The following CSF1R variants were observed in gnomAD, a reference collection of about 807,000 sequenced individuals.
The protein encoded by CSF1R is colony stimulating factor 1 receptor.
A neutral mutation model predicts 110.0 loss-of-function variants in CSF1R; 40 were observed. That is an observed-to-expected ratio of 0.36 (90% CI 0.28 to 0.47). The LOEUF (loss-of-function observed/expected upper bound fraction) is 0.47. Ranked by LOEUF, CSF1R falls within the 20% of genes least tolerant of loss-of-function variation. The pLI, the probability that CSF1R is intolerant of heterozygous loss-of-function variation, is 0.99. For missense variants in CSF1R, 1,052 were observed against 1,253.0 expected, an observed-to-expected ratio of 0.84 and a Z score of 2.42; for synonymous variants, 523 against 503.4, an observed-to-expected ratio of 1.04 and a Z score of -0.52.
rs543585518 is a variant in CSF1R at position 150,077,331 on chromosome 5, G to A, written c.834C>T (p.Cys278=). 9.3e-6 allele frequency: 15 copies of A among 1,614,224 alleles called. No individual in the cohort carries two copies. Among genetic ancestry groups the A allele is most frequent in the African/African-American group, 5.3e-5 (4 of 75,040 alleles). Reference sequence around the variant, plus strand: ...GCTTGCCCTGCACGTTGCTGGCCACGCAGGAGTAGTTGCCGGCATGTTGGA... The same window carrying A: ...GCTTGCCCTGCACGTTGCTGGCCACACAGGAGTAGTTGCCGGCATGTTGGA... ...VDFQHAGNYS[C]VASNVQGKHS... Residue 278 remains cysteine (C), a synonymous_variant, in exon 5 of 21, where the codon TGC becomes TGT. Transcript: ENST00000675795.
intron 1 of CSF1R, chr5:150,095,108 AT>A: frequency 4.5e-6 from 2 of 445,530 alleles, no homozygotes; most frequent in South Asian, 3.1e-5. Context: ...CTGCTCTCAA[AT>A]TGGAAAAAAA....
In CSF1R at chr5:150,053,840, G is replaced by A. The variant is rs1000414437; in HGVS notation, c.*229C>T. On this transcript the variant is annotated 3_prime_UTR_variant, in exon 21 of 21. Transcript: ENST00000675795. ...CACCATGAGAACAGTAGGGGAGGGG[G>A]GGGTGAGGGCTCAGCCCCCAGCCCC... is the stretch of plus-strand genomic sequence containing the variant. 1.7e-6 allele frequency: 1 copy of A among 589,958 alleles called. No homozygotes were observed. The highest frequency in any genetic ancestry group is 3.0e-6 in the Non-Finnish European group (1 of 330,436). 36.5% of individuals were successfully genotyped at this position (589,958 alleles called of 1,614,324 possible). A position where few individuals can be genotyped will look rare whatever the true frequency, so the allele number is the denominator to read the frequency against.
rs559631960 is a variant in CSF1R, at chr5:150,102,503, C to T, written c.-181+10758G>A. ...CTATTTATTTCTTTATTTTTGAGACCGAGTCTCGCTCTATCACGCAGGCTG... is the reference window on the plus strand; with the variant it reads ...CTATTTATTTCTTTATTTTTGAGACTGAGTCTCGCTCTATCACGCAGGCTG... On this transcript the variant is annotated intron_variant, in intron 1 of 21. Coordinates refer to the CSF1R transcript ENST00000286301. Among the ~76,000 whole-genome samples the T allele has an allele frequency of 1.8e-4, 27 of 151,774 alleles. No individual in the cohort carries two copies. The South Asian group carries it at 5.4e-3, about 30-fold the overall frequency.
At chr5:150,082,509 G>T (rs1185805209) in intron 1 of CSF1R, among the ~76,000 whole-genome samples, 3 of 152,240 alleles carry the variant, frequency 2.0e-5, no homozygotes, top group African/African-American at 7.2e-5. Context: ...CCTATGCAGT[G>T]CAACTGCCAG....
Position 150,061,845 on chromosome 5 carries a change from G to A in CSF1R, c.1631C>T (p.Pro544Leu), listed in dbSNP as rs770605687. The A allele has an allele frequency of 3.1e-6, 5 of 1,613,994 alleles. No individual in the cohort carries two copies. The East Asian group carries it at 8.9e-5, about 29-fold the overall frequency. Residue 544 changes from proline to leucine, a missense_variant, in exon 11 of 21, where the codon CCC becomes CTC. Coordinates refer to ENST00000675795, the MANE Select transcript of CSF1R (RefSeq NM_001288705.3). The part of the protein sequence containing the change: ...LLLLYKYKQK[P>L]KYQVRWKIIE... ...GATCTTCCAGCGGACCTGGTACTTGGGCTTCTGCAGAAGAGGAAGGGAGCA... is the reference window on the plus strand; with the variant it reads ...GATCTTCCAGCGGACCTGGTACTTGAGCTTCTGCAGAAGAGGAAGGGAGCA...
Position 150,086,447 on chromosome 5 carries a change from C to G in CSF1R, c.-20G>C, listed in dbSNP as rs1290904859. 6.2e-7 allele frequency: 1 copy of G among 1,602,512 alleles called. No homozygotes were observed. The highest frequency in any genetic ancestry group is 1.3e-5 in the African/African-American group (1 of 74,834). ...GCCCATGGCCTCGGTGGGGAAGTGG[C>G]AGGCAGGTGCAGGGCTGCAAGGTGC... On this transcript the variant is annotated 5_prime_UTR_variant, in exon 1 of 21. Transcript: ENST00000675795.
chr5:150,083,913 T>C lies in CSF1R; in HGVS notation c.49+2466A>G, dbSNP rs555635699. 2.0e-5 allele frequency among the ~76,000 whole-genome samples: 3 copies of C among 152,280 alleles called. No individual in the cohort carries two copies. The East Asian group carries it at 5.8e-4, about 29-fold the overall frequency. On this transcript the variant is annotated intron_variant, in intron 1 of 20. Transcript: ENST00000675795. Reference sequence around the variant, plus strand: ...ATTACCACAACCTCCCCTTTTCCCCTCCAGCCCACTTTCCCCTTTAAATAT... The same window carrying C: ...ATTACCACAACCTCCCCTTTTCCCCCCCAGCCCACTTTCCCCTTTAAATAT...
intron 1 of CSF1R, among the ~76,000 whole-genome samples, chr5:150,110,548 T>C (rs1046608161): frequency 2.6e-5 from 4 of 152,260 alleles, no homozygotes; most frequent in African/African-American, 9.6e-5. Flanking sequence ...GTATTTCCCA[T>C]GGACCTATGA....
At chr5:150,057,234 T>A in intron 16 of CSF1R, 53 bp downstream of exon 16, 1 of 1,515,712 alleles carries the variant, frequency 6.6e-7, no homozygotes, top group South Asian at 1.1e-5. Context: ...TCATCCAGCC[T>A]CCCCGGAGCA....
intron 9 of CSF1R, among the ~76,000 whole-genome samples, chr5:150,068,699 G>T (rs200271686): frequency 6.6e-6 from 1 of 152,164 alleles, no homozygotes; most frequent in Non-Finnish European, 1.5e-5. Flanking sequence ...CAGGAAGCTC[G>T]TTCAGAAAGG....
At position 150,055,345 on chromosome 5, in the gene CSF1R, G is replaced by A. The variant is rs201978689; in HGVS notation, c.2555-9C>T. On this transcript the variant is annotated splice_polypyrimidine_tract_variant and intron_variant, in intron 18 of 20. Transcript: ENST00000675795. ...AGGGTAGGGATTCAGCCCTGCAAAG[G>A]CCAAGATCAGGTAAGAGGCCATGCC... 6.2e-6 allele frequency: 10 copies of A among 1,612,298 alleles called. No individual in the cohort carries two copies. In the East Asian group the frequency reaches 1.6e-4, roughly 25 times the overall value.
At chr5:150,109,487 T>A (rs1759656621) in intron 1 of CSF1R, among the ~76,000 whole-genome samples, 2 of 152,346 alleles carry the variant, frequency 1.3e-5, no homozygotes, top group South Asian at 4.1e-4. Context: ...TGCCAAGTCC[T>A]CTGGGTGTTT....
At chr5:150,064,291 A>AAATAAAT (rs1214207259) in intron 10 of CSF1R, among the ~76,000 whole-genome samples, 5 of 152,342 alleles carry the variant, frequency 3.3e-5, no homozygotes, top group African/African-American at 1.2e-4. Flanking sequence ...CCCCTGAATC[A>AAATAAAT]AAAATAAAAT....
rs753831196 is a variant in CSF1R at position 150,080,993 on chromosome 5, G to T, written c.81C>A (p.Val27=). 6.2e-7 allele frequency: 1 copy of T among 1,613,876 alleles called. No homozygotes were observed. Among genetic ancestry groups the T allele is most frequent in the African/African-American group, 1.3e-5 (1 of 74,934 alleles). The change falls in exon 2 of 21, where the codon GTC becomes GTA. Residue 27 remains valine, a synonymous_variant. Transcript: ENST00000675795. ...GQGIPVIEPS[V]PELVVKPGAT... ...CTCCTGGCTTCACGACCAGCTCAGGGACACTGGGCTCTATCACTGGGATTC... is the reference window on the plus strand; with the variant it reads ...CTCCTGGCTTCACGACCAGCTCAGGTACACTGGGCTCTATCACTGGGATTC...
intron 1 of CSF1R, among the ~76,000 whole-genome samples, chr5:150,104,885 C>CTT (rs202086102): frequency 4.8e-5 from 7 of 145,930 alleles, no homozygotes; most frequent in African/African-American, 1.7e-4. Context: ...TTCATTTGTT[C>CTT]TTTTTTTTTT....
At chr5:150,100,290 C>CTTTT (rs752638971) in intron 1 of CSF1R, among the ~76,000 whole-genome samples, 1,867 of 89,252 alleles carry the variant, frequency 0.021, 289 homozygotes, top group African/African-American at 0.047. Context: ...ATTGGCTAAC[C>CTTTT]TTTTTTTTTT....
intron 1 of CSF1R, among the ~76,000 whole-genome samples, chr5:150,098,990 T>C (rs1257352168): frequency 2.0e-5 from 3 of 149,832 alleles, no homozygotes; most frequent in African/African-American, 7.4e-5. Context: ...ACCTCCCAGG[T>C]TCAAGCGATT....
intron 6 of CSF1R, among the ~76,000 whole-genome samples, chr5:150,072,984 A>C (rs915013364): frequency 6.6e-6 from 1 of 152,192 alleles, no homozygotes; most frequent in Admixed American, 6.5e-5. Context: ...GCCCCAAGAG[A>C]GGAAAATGAA....
Position 150,078,225 on chromosome 5 carries a change from T to A in CSF1R, c.616A>T (p.Thr206Ser). ...CGCACCAGCTCTGCAGGCACCAGTG[T>A]CAAGGCTGGGGGCCCTGGGATGACT... The part of the protein sequence containing the change: ...QKVIPGPPAL[T>S]LVPAELVRIR... Residue 206 changes from threonine (T) to serine (S), a missense_variant, in exon 4 of 21, where the codon ACA becomes TCA. Thr to Ser is a moderately conservative substitution (Grantham distance 58, BLOSUM62 1). Around this residue, in one of 5 missense-constraint regions of CSF1R, gnomAD observed 693 missense variants for 735.4 expected, o/e 0.94. Transcript: ENST00000675795. The A allele has an allele frequency of 6.2e-7, 1 of 1,614,090 alleles. No individual in the cohort carries two copies. Among genetic ancestry groups the A allele is most frequent in the South Asian group, 1.1e-5 (1 of 91,074 alleles).
Sources: allele counts gnomAD v4.1 joint callset (sites outside exome capture counted in the v4.1 genomes callset), GRCh38; gene constraint gnomAD v4.1.1; regional missense constraint gnomAD v4.1.1; transcripts MANE v1.5; gene names NCBI Gene and HGNC (gene_info 2026-07-23, HGNC 2026-07-21).